EPS8L2: variants seen among roughly 807,000 people sequenced by gnomAD.
EPS8L2 encodes EPS8 signaling adaptor L2.
EPS8L2 carries 81 observed loss-of-function variants against 99.4 expected under a neutral mutation model. That is an observed-to-expected ratio of 0.82 (90% CI 0.68 to 0.98). EPS8L2 has a LOEUF of 0.98. Among genes scored for constraint, EPS8L2 ranks in the 50% least tolerant of loss-of-function variants. The pLI is 0.00. For missense variants in EPS8L2, 1,155 were observed against 968.8 expected, an observed-to-expected ratio of 1.19 and a Z score of -2.55; for synonymous variants, 509 against 407.3, an observed-to-expected ratio of 1.25 and a Z score of -3.01.
chr11:726,250 G>A (rs1414664995), intron 18 of EPS8L2, 54 bp from the exon 19 acceptor site: 2 of 1,570,866 alleles, frequency 1.3e-6, no homozygotes, highest in Non-Finnish European at 1.7e-6. Context: ...TCCCTGGGCC[G>A]GGGGCGGGGG....
In EPS8L2 at chr11:708,166, C is replaced by T. The variant is rs536663320; in HGVS notation, c.-78-1164C>T. 4.6e-5 allele frequency among the ~76,000 whole-genome samples: 7 copies of T among 152,322 alleles called. No individual in the cohort carries two copies. The East Asian group carries it at 1.4e-3, about 29-fold the overall frequency. ...CCGTGGCAGACCCAAACTCTGAAGC[C>T]ACAGGGGACAGCCCTGCAGCCCTGG... On this transcript the variant is annotated intron_variant, in intron 1 of 20. Coordinates refer to ENST00000318562, the MANE Select transcript of EPS8L2 (RefSeq NM_022772.4).
intron 4 of EPS8L2, among the ~76,000 whole-genome samples, chr11:719,229 A>C (rs1378769098): frequency 2.0e-5 from 3 of 152,168 alleles, no homozygotes. Context: ...GGCCTCCCGC[A>C]GTGCTGGGAT....
chr11:719,822 C>T (rs72844768), intron 4 of EPS8L2, among the ~76,000 whole-genome samples: 2,469 of 152,216 alleles, frequency 0.016, 33 homozygotes, highest in Non-Finnish European at 0.025. Context: ...GATGGTGGCG[C>T]GGGGCCGGGC....
chr11:711,575 T>G (rs907449303), intron 4 of EPS8L2, among the ~76,000 whole-genome samples: 4 of 152,004 alleles, frequency 2.6e-5, no homozygotes, highest in Non-Finnish European at 5.9e-5. Context: ...CTCAAACTCC[T>G]AGGCTCAAGC....
intron 12 of EPS8L2, 40 bp from the exon 13 acceptor site, chr11:722,361 C>A: frequency 6.2e-7 from 1 of 1,603,338 alleles, no homozygotes; most frequent in South Asian, 1.1e-5. Context: ...GGGCCAGGGT[C>A]TGTGGGCCTC....
chr11:715,778 G>A (rs1480271381), intron 4 of EPS8L2, among the ~76,000 whole-genome samples: 44 of 150,510 alleles, frequency 2.9e-4, no homozygotes, highest in Non-Finnish European at 4.4e-4. Context: ...CCACCACCAC[G>A]CCCAGCTAAT....
At chr11:718,890 A>G (rs1318086851) in intron 4 of EPS8L2, among the ~76,000 whole-genome samples, 6 of 147,542 alleles carry the variant, frequency 4.1e-5, no homozygotes, top group East Asian at 2.0e-4. Context: ...GGATGATCTC[A>G]ATCTCCTGAC....
At chr11:718,964 G>A (rs1297318437) in intron 4 of EPS8L2, among the ~76,000 whole-genome samples, 2 of 144,878 alleles carry the variant, frequency 1.4e-5, no homozygotes, top group Admixed American at 1.4e-4. Flanking sequence ...CACTGCGCCC[G>A]ATCTTTTTTT....
In EPS8L2 at chr11:721,978, C is replaced by T. The variant is rs1247268544; in HGVS notation, c.971C>T (p.Ala324Val). Reference sequence around the variant, plus strand: ...GACTGCTTCCAGAAAATCAAGCTGGCGATTAACTTGCTGGTGGGTCCGGTG... The same window carrying T: ...GACTGCTTCCAGAAAATCAAGCTGGTGATTAACTTGCTGGTGGGTCCGGTG... ...FIDCFQKIKL[A>V]INLLAKLQKH... Residue 324 changes from alanine (A) to valine (V), a missense_variant, in exon 11 of 21, where the codon GCG becomes GTG. Transcript: ENST00000318562. The T allele has an allele frequency of 1.2e-6, 2 of 1,605,394 alleles. No homozygotes were observed. The highest frequency in any genetic ancestry group is 2.3e-5 in the East Asian group (1 of 44,354).
In EPS8L2 at chr11:720,635, C is replaced by T. The variant is rs772551632; in HGVS notation, c.366C>T (p.Arg122=). 18 of 1,599,922 alleles carry T rather than the reference C, an allele frequency of 1.1e-5. No homozygotes were observed. The highest frequency in any genetic ancestry group is 1.7e-4 in the Middle Eastern group (1 of 5,982). The change falls in exon 6 of 21, where the codon CGC becomes CGT. Residue 122 remains arginine, a synonymous_variant. Transcript: ENST00000318562. ...ACTTCCCGCTGCCCACGGTGCAGCG[C>T]AGCCAGACGGTCCTCAACCAGCTGC... The part of the protein sequence containing the change: ...LEDFPLPTVQ[R]SQTVLNQLRY...
chr11:714,080 C>T (rs1479238029), intron 4 of EPS8L2, among the ~76,000 whole-genome samples: 10 of 152,124 alleles, frequency 6.6e-5, no homozygotes, highest in South Asian at 2.1e-4. Flanking sequence ...GATGTCCATT[C>T]GTATGTGTTT....
chr11:726,398 C>T lies in EPS8L2; in HGVS notation c.1848C>T (p.Arg616=). The T allele has an allele frequency of 2.5e-6, 4 of 1,608,126 alleles. No individual in the cohort carries two copies. The highest frequency in any genetic ancestry group is 1.3e-5 in the African/African-American group (1 of 74,948). Reference sequence around the variant, plus strand: ...CACAGAGGCACTTCCGCGTGGAGCGCAGCCAGCCCGTGAGCCAGCCGCTCA... The same window carrying T: ...CACAGAGGCACTTCCGCGTGGAGCGTAGCCAGCCCGTGAGCCAGCCGCTCA... ...AQPQRHFRVE[R]SQPVSQPLTY... The change falls in exon 19 of 21, where the codon CGC becomes CGT. Residue 616 remains arginine (R), a synonymous_variant. Coordinates refer to ENST00000318562, the MANE Select transcript of EPS8L2 (RefSeq NM_022772.4).
intron 7 of EPS8L2, 69 bp downstream of exon 7, chr11:720,978 G>GCCGGGCAGGGGAGGGGAGGAGC: frequency 9.1e-7 from 1 of 1,097,664 alleles, no homozygotes; most frequent in Non-Finnish European, 1.2e-6. Flanking sequence ...GAGGGGAGGA[G>GCCGGGCAGGGGAGGGGAGGAGC]CCGGCAGGGG....
chr11:720,847 G>T lies in EPS8L2; in HGVS notation c.495G>T (p.Glu165Asp). 6.5e-7 allele frequency: 1 copy of T among 1,540,228 alleles called. No homozygotes were observed. ...TTTCCCAGGCAGAGCTGGTGCACGA[G>T]GACATCGAGAGCGCGTTGGCCGACT... Reference protein sequence around the residue: ...CDEVEAELVHEDIESALADCR... With the variant: ...CDEVEAELVHDDIESALADCR... The change falls in exon 7 of 21, where the codon GAG becomes GAT. Residue 165 changes from glutamate to aspartate, a missense_variant. Glu to Asp is a conservative substitution (Grantham distance 45). Transcript: ENST00000318562.
rs538994224 is a variant in EPS8L2 at position 724,567 on chromosome 11, G to A, written c.1455-157G>A. The stretch of plus-strand genomic sequence containing the variant: ...CTGGGGCTGTCACAGTTTCCATTCC[G>A]GGCTGACGCTGCCTGCAGCCTCTCT... On this transcript the variant is annotated intron_variant, in intron 15 of 20. Transcript: ENST00000318562. This position sits in a 1 kb window ranked among gnomAD's most constrained non-coding sequence, Gnocchi z 5.5. The A allele has an allele frequency of 1.8e-5, 11 of 617,358 alleles. No homozygotes were observed. Among genetic ancestry groups the A allele is most frequent in the Middle Eastern group, 4.1e-4 (1 of 2,466 alleles). The allele number at this position is 617,358 out of a possible 1,614,324, so 38.2% of individuals were successfully genotyped here. A position where few individuals can be genotyped will look rare whatever the true frequency, so the allele number is the denominator to read the frequency against.
intron 13 of EPS8L2, 39 bp from the exon 14 acceptor site, chr11:722,634 C>G (rs762778396): frequency 6.2e-7 from 1 of 1,608,918 alleles, no homozygotes; most frequent in Non-Finnish European, 8.5e-7. Context: ...TGGGCCAGTT[C>G]TGGAGAGGCA....
At chr11:709,239 G>C in intron 1 of EPS8L2, 91 bp from the exon 2 acceptor site, 1 of 816,644 alleles carries the variant, frequency 1.2e-6, no homozygotes, top group Non-Finnish European at 1.9e-6. Context: ...CCCCCACCCA[G>C]GCCAGGCCAG....
chr11:721,445 G>A, intron 9 of EPS8L2, 93 bp downstream of exon 9: 1 of 1,489,210 alleles, frequency 6.7e-7, no homozygotes, highest in South Asian at 1.3e-5. Flanking sequence ...TCCCCAGCCT[G>A]TGGCTGCCCC....
intron 4 of EPS8L2, among the ~76,000 whole-genome samples, chr11:710,870 T>C (rs1861870905): frequency 6.6e-6 from 1 of 152,094 alleles, no homozygotes. Flanking sequence ...CTGCCCACAC[T>C]GTCCCGGGCT....
Sources: allele counts gnomAD v4.1 joint callset (sites outside exome capture counted in the v4.1 genomes callset), GRCh38; gene constraint gnomAD v4.1.1; non-coding constraint Gnocchi (gnomAD v3.1); transcripts MANE v1.5; gene names NCBI Gene and HGNC (gene_info 2026-07-23, HGNC 2026-07-21).